The following PACRG variants were observed in gnomAD, a reference collection of about 807,000 sequenced individuals.
PACRG encodes parkin coregulated, also known as parkin coregulated gene protein.
In PACRG, 29 loss-of-function variants were observed where a neutral mutation model predicts 29.7. That is an observed-to-expected ratio of 0.98 (90% confidence interval 0.73 to 1.33). PACRG has a LOEUF of 1.33. Among genes scored for constraint, PACRG ranks in the 40% most tolerant of loss-of-function variants. PACRG has a pLI of 0.00. For missense variants in PACRG, 279 were observed against 316.2 expected, an observed-to-expected ratio of 0.88 and a Z score of 0.89; for synonymous variants, 116 against 118.7, an observed-to-expected ratio of 0.98 and a Z score of 0.15.
At chr6:163,183,142 A>T (rs1779752376) in intron 4 of PACRG, 1 of 152,216 alleles carries the variant, frequency 6.6e-6, no homozygotes, top group Non-Finnish European at 1.5e-5. Flanking sequence ...TATGAAGGCA[A>T]ACATTCCCAC....
intron 4 of PACRG, among the ~76,000 whole-genome samples, chr6:163,175,744 AAGGAGGAGGAGGAGG>A (rs3061922): frequency 3.7e-5 from 5 of 136,918 alleles, no homozygotes; most frequent in South Asian, 2.5e-4. Context: ...GCACCTGTCA[AAGGAGGAGGAGGAGG>A]AGGAGGAGGA....
chr6:163,243,369 T>C (rs1474598738), intron 4 of PACRG, among the ~76,000 whole-genome samples: 5 of 152,218 alleles, frequency 3.3e-5, no homozygotes, highest in African/African-American at 4.8e-5. Context: ...AGCGTGTGAA[T>C]GTTCACGTAC....
chr6:163,268,214 C>T (rs1783605232), intron 4 of PACRG, among the ~76,000 whole-genome samples: 1 of 152,044 alleles, frequency 6.6e-6, no homozygotes, highest in African/African-American at 2.4e-5. Flanking sequence ...TCCTGGCCAA[C>T]ATGGTGAAAC....
intron 4 of PACRG, among the ~76,000 whole-genome samples, chr6:163,284,330 C>G (rs1389775290): frequency 6.6e-6 from 1 of 152,178 alleles, no homozygotes; most frequent in Non-Finnish European, 1.5e-5. Context: ...CAGTCCCAGA[C>G]TGTCAGCTCC....
chr6:162,984,567 A>C (rs1802711860), intron 2 of PACRG, among the ~76,000 whole-genome samples: 2 of 151,948 alleles, frequency 1.3e-5, no homozygotes. Context: ...TGGCAGATCT[A>C]CTTTTAGTTC....
chr6:163,261,878 C>G (rs1783339437), intron 4 of PACRG, among the ~76,000 whole-genome samples: 1 of 152,162 alleles, frequency 6.6e-6, no homozygotes. Flanking sequence ...CATTTAGTAT[C>G]AGGGACTTGA....
intron 4 of PACRG, among the ~76,000 whole-genome samples, chr6:163,271,624 G>A (rs1041135528): frequency 7.2e-5 from 11 of 152,098 alleles, no homozygotes; most frequent in African/African-American, 9.7e-5. Flanking sequence ...TTTACCTACT[G>A]GTTTGAGATG....
intron 4 of PACRG, among the ~76,000 whole-genome samples, chr6:163,194,963 G>A (rs533657850): frequency 6.6e-6 from 1 of 151,994 alleles, no homozygotes; most frequent in East Asian, 1.9e-4. Context: ...CTCTTCAAGT[G>A]CCTCCCCTCT....
intron 1 of PACRG, among the ~76,000 whole-genome samples, chr6:162,779,952 G>A (rs1356463627): frequency 1.3e-5 from 2 of 152,174 alleles, no homozygotes; most frequent in African/African-American, 4.8e-5. Flanking sequence ...TCAGAGGGTG[G>A]AAGCCTAGCT....
chr6:163,142,980 T>C (rs554967275), intron 4 of PACRG, among the ~76,000 whole-genome samples: 1 of 152,344 alleles, frequency 6.6e-6, no homozygotes, highest in Non-Finnish European at 1.5e-5. Flanking sequence ...AATGCAGGGC[T>C]GTATCCTGGT....
intron 2 of PACRG, among the ~76,000 whole-genome samples, chr6:162,898,094 C>T (rs1485266647): frequency 6.6e-6 from 1 of 152,188 alleles, no homozygotes; most frequent in Non-Finnish European, 1.5e-5. Flanking sequence ...GTTTTGCCCT[C>T]CTAAGACTAG....
At chr6:163,262,875 C>CA (rs901328812) in intron 4 of PACRG, among the ~76,000 whole-genome samples, 1 of 148,980 alleles carries the variant, frequency 6.7e-6, no homozygotes, top group African/African-American at 2.5e-5. Context: ...GACCCCCCCC[C>CA]CCATGTCAAC....
intron 4 of PACRG, among the ~76,000 whole-genome samples, chr6:163,221,318 G>A (rs559431283): frequency 5.3e-5 from 8 of 152,216 alleles, no homozygotes; most frequent in Non-Finnish European, 1.0e-4. Context: ...CTGAATCTGG[G>A]TGTTGCGGGA....
At chr6:163,075,387 C>T (rs1812449859) in intron 3 of PACRG, among the ~76,000 whole-genome samples, 1 of 152,018 alleles carries the variant, frequency 6.6e-6, no homozygotes, top group Non-Finnish European at 1.5e-5. Flanking sequence ...GGAGAATACA[C>T]ACTTCAACTC....
intron 2 of PACRG, among the ~76,000 whole-genome samples, chr6:163,014,890 G>A (rs1805950987): frequency 6.6e-6 from 1 of 152,048 alleles, no homozygotes; most frequent in Non-Finnish European, 1.5e-5. Flanking sequence ...TGTTGCAATT[G>A]CTTTTGAGGA....
intron 2 of PACRG, among the ~76,000 whole-genome samples, chr6:162,969,300 C>T (rs568203412): frequency 6.6e-6 from 1 of 152,192 alleles, no homozygotes; most frequent in East Asian, 1.9e-4. Context: ...CCTCCCGTTT[C>T]AAGGGATTGG....
At chr6:163,148,127 T>C (rs1031252699) in intron 4 of PACRG, among the ~76,000 whole-genome samples, 2 of 152,140 alleles carry the variant, frequency 1.3e-5, no homozygotes, top group Non-Finnish European at 2.9e-5. Context: ...CAGATGCTTA[T>C]AGTGTGTGTG....
intron 4 of PACRG, among the ~76,000 whole-genome samples, chr6:163,197,737 C>A (rs1034180506): frequency 6.6e-6 from 1 of 152,122 alleles, no homozygotes; most frequent in Non-Finnish European, 1.5e-5. Context: ...GCCTGAGCCA[C>A]TGAGCCCGCC....
chr6:162,936,301 C>T (rs548244229), intron 2 of PACRG, among the ~76,000 whole-genome samples: 82 of 152,266 alleles, frequency 5.4e-4, no homozygotes, highest in African/African-American at 2.0e-3. Flanking sequence ...CACAGCGAAA[C>T]TCTATCGAGT....
Sources: gnomAD v4.1 joint callset for allele counts (sites outside exome capture counted in the v4.1 genomes callset) on GRCh38, gnomAD v4.1.1 for gene constraint, MANE v1.5 for transcripts, NCBI Gene and HGNC (gene_info 2026-07-23, HGNC 2026-07-21) for gene names.